Variants in SUPT3H observed in about 807,000 individuals in gnomAD.
The protein encoded by SUPT3H is transcription initiation protein SPT3 homolog.
A neutral mutation model predicts 44.3 loss-of-function variants in SUPT3H; 44 were observed. The observed-to-expected ratio is 0.99, with a 90% CI of 0.78 to 1.28. The LOEUF (loss-of-function observed/expected upper bound fraction) is 1.28. SUPT3H is among the 50% of genes most tolerant of loss of function. The probability of loss-of-function intolerance (pLI) is 0.00; values close to 1 mark genes in which losing one functional copy is unlikely to be tolerated. For missense variants in SUPT3H, 380 were observed against 387.1 expected, an observed-to-expected ratio of 0.98 and a Z score of 0.15; for synonymous variants, 124 against 125.6, an observed-to-expected ratio of 0.99 and a Z score of 0.09.
intron 7 of SUPT3H, chr6:44,955,402 G>T (rs533462460): frequency 6.6e-6 from 1 of 152,416 alleles, no homozygotes; most frequent in African/African-American, 2.4e-5. Context: ...AGTGAGACCG[G>T]CCTTTCGGGC....
At position 45,179,236 on chromosome 6, in the gene SUPT3H, A is replaced by G. The variant is rs538839442; in HGVS notation, c.102-73230T>C. Among the ~76,000 whole-genome samples the G allele has an allele frequency of 2.2e-4, 33 of 152,332 alleles. No individual in the cohort carries two copies. The South Asian group carries it at 6.2e-3, about 29-fold the overall frequency. ...AGGAGCTGAAATTGTGTAATAATCA[A>G]TAGCTTACCAACCAAAAAGAGTCCA... On this transcript the variant is annotated intron_variant, in intron 2 of 10. Transcript: ENST00000371459.
chr6:45,334,775 A>G (rs1034316997), intron 2 of SUPT3H, among the ~76,000 whole-genome samples: 11 of 144,794 alleles, frequency 7.6e-5, no homozygotes, highest in African/African-American at 2.5e-4. Context: ...AAAATTGTAA[A>G]TTATGTAACT....
chr6:45,063,170 C>G (rs1320758453), intron 3 of SUPT3H, among the ~76,000 whole-genome samples: 1 of 145,684 alleles, frequency 6.9e-6, no homozygotes, highest in Non-Finnish European at 1.5e-5. Flanking sequence ...CCCGAGCAGC[C>G]TAACTGGGAG....
chr6:45,089,122 T>C (rs969718899), intron 3 of SUPT3H, among the ~76,000 whole-genome samples: 1 of 152,066 alleles, frequency 6.6e-6, no homozygotes, highest in African/African-American at 2.4e-5. Context: ...GAAAATTTTA[T>C]GGCAAAATGC....
At chr6:45,356,101 T>C (rs1793113641) in intron 2 of SUPT3H, among the ~76,000 whole-genome samples, 1 of 152,164 alleles carries the variant, frequency 6.6e-6, no homozygotes, top group Non-Finnish European at 1.5e-5. Flanking sequence ...TCCTCTTCTC[T>C]AGAAAAGTGG....
intron 2 of SUPT3H, among the ~76,000 whole-genome samples, chr6:45,191,177 C>G (rs1815068783): frequency 6.6e-6 from 1 of 151,904 alleles, no homozygotes; most frequent in African/African-American, 2.4e-5. Flanking sequence ...AGATGTCCTT[C>G]AATAGGCAAA....
chr6:45,069,521 T>A (rs1713497757), intron 3 of SUPT3H, among the ~76,000 whole-genome samples: 2 of 152,126 alleles, frequency 1.3e-5, no homozygotes, highest in South Asian at 4.1e-4. Flanking sequence ...GTTTAAAAAG[T>A]GTTTTGAGGG....
intron 3 of SUPT3H, among the ~76,000 whole-genome samples, chr6:45,035,377 CTGTT>C (rs1313330195): frequency 1.3e-5 from 2 of 152,036 alleles, no homozygotes; most frequent in Non-Finnish European, 2.9e-5. Context: ...GTGTCTGGTA[CTGTT>C]TATTATCAGA....
intron 6 of SUPT3H, among the ~76,000 whole-genome samples, chr6:44,997,817 C>A (rs554286351): frequency 6.6e-6 from 1 of 151,770 alleles, no homozygotes; most frequent in East Asian, 1.9e-4. Context: ...TTTTCTATAT[C>A]TAGTTTATTA....
chr6:45,265,722 C>T (rs560321218), intron 2 of SUPT3H, among the ~76,000 whole-genome samples: 3 of 151,944 alleles, frequency 2.0e-5, no homozygotes, highest in Non-Finnish European at 2.9e-5. Flanking sequence ...AAAAATATCA[C>T]GTAAAATTAG....
At chr6:44,961,966 G>A (rs1282265103) in intron 6 of SUPT3H, 138 bp from the exon 7 acceptor site, 10 of 543,476 alleles carry the variant, frequency 1.8e-5, no homozygotes, top group African/African-American at 9.7e-5. Context: ...CATAGATCAC[G>A]ATACATAAAA....
At chr6:45,016,159 A>G (rs1229814331) in intron 4 of SUPT3H, among the ~76,000 whole-genome samples, 1 of 152,094 alleles carries the variant, frequency 6.6e-6, no homozygotes, top group African/African-American at 2.4e-5. Flanking sequence ...GCATCACCAC[A>G]AAGTCGAGTC....
At chr6:45,299,486 C>T (rs1417754861) in intron 2 of SUPT3H, among the ~76,000 whole-genome samples, 1 of 152,006 alleles carries the variant, frequency 6.6e-6, no homozygotes, top group Non-Finnish European at 1.5e-5. Context: ...TATGCACACA[C>T]AAAAATGTGT....
intron 10 of SUPT3H, among the ~76,000 whole-genome samples, chr6:44,918,189 C>T (rs1051679139): frequency 6.6e-6 from 1 of 152,112 alleles, no homozygotes; most frequent in African/African-American, 2.4e-5. Flanking sequence ...ACTGCTAAGC[C>T]ACCTGGTTTT....
At chr6:45,062,669 GTTCCCTTTCC>G (rs1792348446) in intron 3 of SUPT3H, among the ~76,000 whole-genome samples, 1 of 151,148 alleles carries the variant, frequency 6.6e-6, no homozygotes, top group Non-Finnish European at 1.5e-5. Flanking sequence ...GGGTCAGGAA[GTTCCCTTTCC>G]GAGTCAAAGA....
chr6:45,239,736 A>T (rs566475441), intron 2 of SUPT3H, among the ~76,000 whole-genome samples: 1 of 152,346 alleles, frequency 6.6e-6, no homozygotes, highest in East Asian at 1.9e-4. Flanking sequence ...CTATACTAGC[A>T]AAGCTCTAGC....
In SUPT3H at chr6:44,906,027, C is replaced by T. The variant is rs6458414; in HGVS notation, c.912+26626G>A. Reference sequence around the variant, plus strand: ...ACATCACACACCGGGGCCTGTTGTGCGGTGGGGGGATGGGGAGGGATAGCA... The same window carrying T: ...ACATCACACACCGGGGCCTGTTGTGTGGTGGGGGGATGGGGAGGGATAGCA... On this transcript the variant is annotated intron_variant, in intron 10 of 10. Coordinates refer to ENST00000371459, the MANE Select transcript of SUPT3H (RefSeq NM_003599.4). 3.8e-3 allele frequency among the ~76,000 whole-genome samples: 579 copies of T among 151,626 alleles called. 6 individuals carry two copies. The highest frequency in any genetic ancestry group is 0.013 in the African/African-American group (528 of 41,316).
intron 10 of SUPT3H, among the ~76,000 whole-genome samples, chr6:44,907,614 G>T (rs2153451441): frequency 6.6e-6 from 1 of 152,248 alleles, no homozygotes; most frequent in African/African-American, 2.4e-5. Context: ...GGAGGCAGAG[G>T]TTGCAGTGAG....
chr6:45,240,789 C>T (rs1331573159), intron 2 of SUPT3H, among the ~76,000 whole-genome samples: 1 of 152,164 alleles, frequency 6.6e-6, no homozygotes, highest in Admixed American at 6.5e-5. Context: ...GGTATAGAGG[C>T]ACCTCAACCT....
Sources: allele counts gnomAD v4.1 joint callset (sites outside exome capture counted in the v4.1 genomes callset), GRCh38; gene constraint gnomAD v4.1.1; transcripts MANE v1.5; gene names NCBI Gene and HGNC (gene_info 2026-07-23, HGNC 2026-07-21).